Variants in PCDH15 observed in about 807,000 individuals in gnomAD.
The protein encoded by PCDH15 is protocadherin related 15, also known as protocadherin-15.
A neutral mutation model predicts 178.5 loss-of-function variants in PCDH15; 129 were observed. The ratio of observed to expected loss-of-function variants is 0.72; its 90% CI spans 0.63 to 0.84. The LOEUF is 0.84. PCDH15 is among the 40% of genes least tolerant of loss of function. PCDH15 has a pLI of 0.00. For missense variants in PCDH15, 2,230 were observed against 2,099.9 expected, an observed-to-expected ratio of 1.06 and a Z score of -1.21; for synonymous variants, 800 against 732.0, an observed-to-expected ratio of 1.09 and a Z score of -1.50.
At chr10:54,665,202 C>T (rs1348203990) in intron 1 of PCDH15, among the ~76,000 whole-genome samples, 1 of 151,836 alleles carries the variant, frequency 6.6e-6, no homozygotes, top group Non-Finnish European at 1.5e-5. Flanking sequence ...CTGTGATAAA[C>T]TGTGCAATGC....
intron 8 of PCDH15, among the ~76,000 whole-genome samples, chr10:54,306,999 A>AAT (rs201669994): frequency 8.6e-4 from 86 of 99,560 alleles, no homozygotes; most frequent in African/African-American, 2.4e-3. Context: ...TTTGAAATTA[A>AAT]ATATATATAT....
intron 2 of PCDH15, among the ~76,000 whole-genome samples, chr10:55,413,519 G>T (rs1178324231): frequency 3.3e-5 from 5 of 151,316 alleles, no homozygotes; most frequent in Non-Finnish European, 1.5e-5. Context: ...AAAATAGAAG[G>T]GGACTTATAC....
intron 2 of PCDH15, among the ~76,000 whole-genome samples, chr10:55,161,769 C>G (rs1839072277): frequency 6.6e-6 from 1 of 152,046 alleles, no homozygotes; most frequent in African/African-American, 2.4e-5. Context: ...CTTCTCAGGA[C>G]AAGTGATCTG....
chr10:55,237,353 C>A (rs1841409844), intron 1 of PCDH15, among the ~76,000 whole-genome samples: 1 of 152,114 alleles, frequency 6.6e-6, no homozygotes, highest in Non-Finnish European at 1.5e-5. Flanking sequence ...GCCATTTTTA[C>A]TCACTCTTCA....
At chr10:55,086,554 C>A (rs1228326279) in intron 2 of PCDH15, among the ~76,000 whole-genome samples, 1 of 151,970 alleles carries the variant, frequency 6.6e-6, no homozygotes, top group African/African-American at 2.4e-5. Flanking sequence ...TCTACCAGAG[C>A]TAAATCTGTT....
intron 21 of PCDH15, among the ~76,000 whole-genome samples, chr10:53,994,044 C>T (rs778706977): frequency 4.5e-4 from 68 of 152,190 alleles, no homozygotes; most frequent in Admixed American, 2.1e-3. Context: ...TTTAAAAGAG[C>T]TTCAAAGTGT....
At chr10:55,004,400 A>G (rs544514918) in intron 2 of PCDH15, among the ~76,000 whole-genome samples, 1 of 152,184 alleles carries the variant, frequency 6.6e-6, no homozygotes, top group African/African-American at 2.4e-5. Context: ...AAACATAGAA[A>G]TTTACCCTCT....
rs367937228 is a variant in PCDH15 at position 54,183,517 on chromosome 10, G to A, written c.1517C>T (p.Thr506Met). The A allele has an allele frequency of 5.5e-5, 89 of 1,613,582 alleles. No homozygotes were observed. The highest frequency in any genetic ancestry group is 3.3e-5 in the South Asian group (3 of 91,072). ...ATAGGATATTTCAGGGAAGGTTGGC[G>A]TGTTATCATTTGCATCCATCACTTG... ...NIQVMDANDN[T>M]PTFPEISYDV... Residue 506 changes from threonine (T) to methionine (M), a missense_variant, in exon 13 of 38, where the codon ACG becomes ATG. Coordinates refer to ENST00000644397, the MANE Select transcript of PCDH15 (RefSeq NM_001384140.1).
At chr10:54,418,137 G>C (rs888412858) in intron 3 of PCDH15, among the ~76,000 whole-genome samples, 10 of 152,058 alleles carry the variant, frequency 6.6e-5, no homozygotes, top group Admixed American at 2.0e-4. Context: ...TAACAGGTTA[G>C]GGAAAATCAG....
chr10:55,074,850 T>G (rs1262449307), intron 2 of PCDH15, among the ~76,000 whole-genome samples: 1 of 152,182 alleles, frequency 6.6e-6, no homozygotes, highest in Non-Finnish European at 1.5e-5. Flanking sequence ...TGTTTTTGGG[T>G]TTTACATTTA....
At chr10:54,458,992 T>C (rs1286755808) in intron 3 of PCDH15, among the ~76,000 whole-genome samples, 17 of 152,174 alleles carry the variant, frequency 1.1e-4, no homozygotes, top group Non-Finnish European at 2.9e-5. Flanking sequence ...ACTGCATGTA[T>C]ACAGTTTGCA....
chr10:55,453,993 G>A (rs1565155534), intron 2 of PCDH15, among the ~76,000 whole-genome samples: 3 of 152,046 alleles, frequency 2.0e-5, no homozygotes, highest in Admixed American at 6.6e-5. Flanking sequence ...TTACTTTTAT[G>A]TAATTATAAA....
intron 2 of PCDH15, among the ~76,000 whole-genome samples, chr10:54,536,331 A>T (rs1178449428): frequency 6.6e-6 from 1 of 152,174 alleles, no homozygotes; most frequent in African/African-American, 2.4e-5. Flanking sequence ...ATTCTAACCA[A>T]GTGAGCAAAT....
intron 2 of PCDH15, among the ~76,000 whole-genome samples, chr10:55,142,195 C>T (rs1838372501): frequency 6.6e-6 from 1 of 152,048 alleles, no homozygotes; most frequent in African/African-American, 2.4e-5. Flanking sequence ...GATGTGTCTC[C>T]TATCCCACCT....
intron 1 of PCDH15, among the ~76,000 whole-genome samples, chr10:55,282,258 CT>C (rs1842754093): frequency 2.0e-5 from 3 of 152,118 alleles, no homozygotes; most frequent in Admixed American, 1.3e-4. Context: ...CACACTAAGC[CT>C]TTGCATATGC....
intron 1 of PCDH15, among the ~76,000 whole-genome samples, chr10:54,799,668 C>T (rs1184698979): frequency 1.3e-5 from 2 of 151,914 alleles, no homozygotes; most frequent in Admixed American, 6.6e-5. Flanking sequence ...GTTAGGAGGT[C>T]GCCACTCAGT....
At chr10:53,942,242 A>C (rs2086129570) in intron 23 of PCDH15, among the ~76,000 whole-genome samples, 1 of 147,976 alleles carries the variant, frequency 6.8e-6, no homozygotes. Flanking sequence ...TGTAAAGTAG[A>C]TATTTAATTT....
At chr10:54,212,141 T>C (rs1385985597) in intron 10 of PCDH15, among the ~76,000 whole-genome samples, 2 of 152,118 alleles carry the variant, frequency 1.3e-5, no homozygotes, top group African/African-American at 4.8e-5. Context: ...GAAACAGTGC[T>C]TTGTCAAATT....
intron 2 of PCDH15, among the ~76,000 whole-genome samples, chr10:54,551,199 A>G (rs2086563723): frequency 6.6e-6 from 1 of 150,398 alleles, no homozygotes; most frequent in Non-Finnish European, 1.5e-5. Context: ...AAACATGGTA[A>G]ACATAAAAAT....
Sources: allele counts gnomAD v4.1 joint callset (sites outside exome capture counted in the v4.1 genomes callset), GRCh38; gene constraint gnomAD v4.1.1; transcripts MANE v1.5; gene names NCBI Gene and HGNC (gene_info 2026-07-23, HGNC 2026-07-21).